The following LYPLAL1 variants were observed in gnomAD, a reference collection of about 807,000 sequenced individuals.
The protein encoded by LYPLAL1 is lysophospholipase like 1.
In LYPLAL1, 23 loss-of-function variants were observed where a neutral mutation model predicts 19.7. That is an observed-to-expected ratio of 1.17 (90% CI 0.84 to 1.65). LYPLAL1 has a LOEUF of 1.65. Ranked by LOEUF, LYPLAL1 falls within the 40% of genes most tolerant of loss-of-function variation. The probability of loss-of-function intolerance (pLI) is 0.00; values close to 1 mark genes in which losing one functional copy is unlikely to be tolerated. For missense variants in LYPLAL1, 355 were observed against 279.4 expected (o/e 1.27, Z -1.93); for synonymous variants, 119 against 96.3 (o/e 1.24, Z -1.38).
At chr1:219,299,143 T>A in the LYPLAL1 span, among the ~76,000 whole-genome samples, 1 of 51,284 alleles carries the variant, frequency 1.9e-5, no homozygotes, top group South Asian at 9.3e-4. Flanking sequence ...CCCCCAGCTT[T>A]TTTTTTTTTT....
chr1:219,432,557 G>A, the LYPLAL1 span, among the ~76,000 whole-genome samples: 11 of 152,180 alleles, frequency 7.2e-5, no homozygotes, highest in Admixed American at 1.3e-4. Flanking sequence ...ATGACTAACC[G>A]CAGCCAAGCA....
chr1:219,258,505 A>G, the LYPLAL1 span, among the ~76,000 whole-genome samples: 1 of 152,032 alleles, frequency 6.6e-6, no homozygotes, highest in Non-Finnish European at 1.5e-5. Context: ...ACTTTCAACT[A>G]TACTATGCTC....
In LYPLAL1 at chr1:219,190,852, A is replaced by G. The variant is rs568198940; in HGVS notation, c.192-2230A>G. Among the ~76,000 whole-genome samples, 112 of 151,652 alleles carry G rather than the reference A, an allele frequency of 7.4e-4. 1 individual carries two copies. Among genetic ancestry groups the G allele is most frequent in the South Asian group, 2.3e-3 (11 of 4,810 alleles). The stretch of plus-strand genomic sequence containing the variant: ...GTTTTAGAACAGGCAAAAGAAATCA[A>G]TGTTGATAGTCTCACTCAGTAGTTG... On this transcript the variant is annotated intron_variant, in intron 2 of 4. Transcript: ENST00000366928.
chr1:219,228,166 A>C, the LYPLAL1 span, among the ~76,000 whole-genome samples: 2 of 152,122 alleles, frequency 1.3e-5, no homozygotes, highest in African/African-American at 4.8e-5. Flanking sequence ...AACTTCCCTA[A>C]AGGGTCCCGT....
chr1:219,423,313 C>T, the LYPLAL1 span, among the ~76,000 whole-genome samples: 1 of 152,260 alleles, frequency 6.6e-6, no homozygotes, highest in Admixed American at 6.5e-5. Flanking sequence ...TTTTGGTCTT[C>T]AGCCCATCAT....
the LYPLAL1 span, among the ~76,000 whole-genome samples, chr1:219,428,640 C>G: frequency 6.6e-6 from 1 of 152,236 alleles, no homozygotes; most frequent in Admixed American, 6.5e-5. Flanking sequence ...CAGGATCTGA[C>G]AGCAGCTTAC....
chr1:219,387,491 G>A, the LYPLAL1 span, among the ~76,000 whole-genome samples: 1 of 152,158 alleles, frequency 6.6e-6, no homozygotes. Flanking sequence ...CCTTTGATTA[G>A]CTGATTTATC....
chr1:219,233,766 T>C, the LYPLAL1 span, among the ~76,000 whole-genome samples: 1 of 23,556 alleles, frequency 4.2e-5, no homozygotes. Context: ...AGAGAGACCC[T>C]GTCTCAAAAA....
chr1:219,259,778 T>C, the LYPLAL1 span, among the ~76,000 whole-genome samples: 1 of 150,796 alleles, frequency 6.6e-6, no homozygotes, highest in Non-Finnish European at 1.5e-5. Flanking sequence ...CCCAAAACTA[T>C]TGAAATAAAA....
chr1:219,439,180 C>T, the LYPLAL1 span, among the ~76,000 whole-genome samples: 1 of 152,258 alleles, frequency 6.6e-6, no homozygotes, highest in East Asian at 1.9e-4. Context: ...TCAGATTGGG[C>T]CTCACTGCTT....
chr1:219,416,493 G>A, the LYPLAL1 span, among the ~76,000 whole-genome samples: 1 of 152,296 alleles, frequency 6.6e-6, no homozygotes, highest in Non-Finnish European at 1.5e-5. Context: ...CTATTGAAGG[G>A]TACTGCTCCT....
intron 3 of LYPLAL1, among the ~76,000 whole-genome samples, chr1:219,202,501 C>T (rs1240865800): frequency 1.3e-5 from 2 of 152,138 alleles, no homozygotes; most frequent in Non-Finnish European, 2.9e-5. Context: ...TATTTTTCTA[C>T]TAGCTTTTAT....
the LYPLAL1 span, among the ~76,000 whole-genome samples, chr1:219,309,194 A>G: frequency 3.3e-5 from 5 of 152,090 alleles, no homozygotes; most frequent in Non-Finnish European, 5.9e-5. Context: ...TTTGTTTTGC[A>G]AAACCCCTTT....
the LYPLAL1 span, among the ~76,000 whole-genome samples, chr1:219,297,412 A>G: frequency 8.5e-5 from 13 of 152,212 alleles, no homozygotes; most frequent in Non-Finnish European, 1.5e-5. Flanking sequence ...CTGACCCACT[A>G]CACGTATCTC....
the LYPLAL1 span, among the ~76,000 whole-genome samples, chr1:219,257,520 C>T: frequency 6.6e-6 from 1 of 151,880 alleles, no homozygotes; most frequent in African/African-American, 2.4e-5. Flanking sequence ...CCAGGGGAGA[C>T]ATCACATATC....
chr1:219,369,515 G>A, the LYPLAL1 span, among the ~76,000 whole-genome samples: 5 of 152,128 alleles, frequency 3.3e-5, no homozygotes, highest in East Asian at 1.9e-4. Flanking sequence ...CTTGTAATCC[G>A]CCTGCCTTAG....
intron 3 of LYPLAL1, among the ~76,000 whole-genome samples, chr1:219,197,163 A>G (rs1191505768): frequency 2.0e-5 from 3 of 152,220 alleles, no homozygotes; most frequent in Non-Finnish European, 4.4e-5. Context: ...AAGAGCCCAT[A>G]TAGCCAAGAT....
At chr1:219,223,075 T>C in the LYPLAL1 span, 2 of 151,970 alleles carry the variant, frequency 1.3e-5, no homozygotes, top group Non-Finnish European at 2.9e-5. Flanking sequence ...ATTCAAACCA[T>C]AGCAGTAACT....
the LYPLAL1 span, among the ~76,000 whole-genome samples, chr1:219,245,118 T>C: frequency 1.3e-5 from 2 of 151,210 alleles, no homozygotes; most frequent in East Asian, 3.9e-4. Context: ...CTTTCTTCTG[T>C]TCTCTTTTTT....
Sources: allele counts gnomAD v4.1 joint callset (sites outside exome capture counted in the v4.1 genomes callset), GRCh38; gene constraint gnomAD v4.1.1; transcripts MANE v1.5; gene names NCBI Gene and HGNC (gene_info 2026-07-23, HGNC 2026-07-21).